FREM1: variants seen among roughly 807,000 people sequenced by gnomAD.
FREM1 encodes FRAS1-related extracellular matrix protein 1.
Under a neutral mutation model 210.1 loss-of-function variants are expected in FREM1, and 220 were observed. The observed-to-expected ratio is 1.05, with a 90% CI of 0.94 to 1.17. FREM1 has a LOEUF of 1.17. FREM1 is among the 50% of genes most tolerant of loss of function. The pLI, the probability that FREM1 is intolerant of heterozygous loss-of-function variation, is 0.00. For missense variants in FREM1, 3,454 were observed against 2,675.5 expected, an observed-to-expected ratio of 1.29 and a Z score of -6.42; for synonymous variants, 1,189 against 980.2, an observed-to-expected ratio of 1.21 and a Z score of -3.98.
chr9:14,757,647 T>C (rs1029876681), intron 28 of FREM1, among the ~76,000 whole-genome samples: 9 of 151,390 alleles, frequency 5.9e-5, no homozygotes, highest in African/African-American at 1.7e-4. Context: ...GTGTGTATTT[T>C]TTAGATGTTT....
At position 14,748,709 on chromosome 9, in the gene FREM1, G is replaced by C. The variant is rs1156598542; in HGVS notation, c.5558-70C>G. ...ACAGATAAGGTATCACATTGACACA[G>C]CTCCTGGAGCAGCTTGTCATTAAAC... is the stretch of plus-strand genomic sequence containing the variant. On this transcript the variant is annotated intron_variant, in intron 30 of 36. Transcript: ENST00000380880. 7.3e-6 allele frequency: 7 copies of C among 955,612 alleles called. No individual in the cohort carries two copies. The Admixed American group carries it at 1.5e-4, about 21-fold the overall frequency. The allele number at this position is 955,612 out of a possible 1,614,324, so 59.2% of individuals were successfully genotyped here. A position where few individuals can be genotyped will look rare whatever the true frequency, so the allele number is the denominator to read the frequency against.
At chr9:14,889,380 T>C (rs1240576227) in intron 1 of FREM1, among the ~76,000 whole-genome samples, 1 of 152,248 alleles carries the variant, frequency 6.6e-6, no homozygotes, top group Non-Finnish European at 1.5e-5. Context: ...CCTTTGTTTA[T>C]GTGGAAGGTT....
chr9:14,757,036 G>A (rs991571326), intron 28 of FREM1, among the ~76,000 whole-genome samples: 2 of 148,890 alleles, frequency 1.3e-5, no homozygotes, highest in Non-Finnish European at 3.0e-5. Flanking sequence ...AAGACCTGGT[G>A]AACAACCAGA....
chr9:14,819,086 T>G (rs1230673393), intron 14 of FREM1, 148 bp downstream of exon 14: 3 of 518,118 alleles, frequency 5.8e-6, no homozygotes, highest in East Asian at 5.9e-5. Context: ...TGATCATTTG[T>G]AATTTTCAAC....
At chr9:14,872,045 G>A (rs1403956926) in intron 1 of FREM1, among the ~76,000 whole-genome samples, 1 of 152,162 alleles carries the variant, frequency 6.6e-6, no homozygotes, top group African/African-American at 2.4e-5. Flanking sequence ...TTTGGTACCA[G>A]TACCATGCTG....
At chr9:14,812,691 G>C in intron 16 of FREM1, 121 bp downstream of exon 16, 11 of 1,008,828 alleles carry the variant, frequency 1.1e-5, no homozygotes, top group Non-Finnish European at 1.6e-5. Flanking sequence ...CCAGGCTGCA[G>C]CTGCTTCTTG....
chr9:14,842,390 T>C lies in FREM1; in HGVS notation c.1664A>G (p.Asp555Gly), dbSNP rs1825843289. The C allele has an allele frequency of 6.2e-7, 1 of 1,613,104 alleles. No individual in the cohort carries two copies. Among genetic ancestry groups the C allele is most frequent in the Non-Finnish European group, 8.5e-7 (1 of 1,179,206 alleles). ...LRASDVDASDDYIFFNITKPP... is the reference protein window; with the variant it reads ...LRASDVDASDGYIFFNITKPP... The stretch of plus-strand genomic sequence containing the variant: ...CTTTGTGATATTGAAGAAGATGTAG[T>C]CATCACTGGCGTCCACATCTGAAGC... Residue 555 changes from aspartate (D) to glycine (G), a missense_variant, in exon 9 of 37, where the codon GAC (aspartate) becomes GGC (glycine). By Grantham distance (94) the Asp-to-Gly change is moderately conservative (BLOSUM62 -1). Transcript: ENST00000380880.
intron 18 of FREM1, 47 bp downstream of exon 18, chr9:14,806,614 T>A: frequency 8.9e-7 from 1 of 1,129,596 alleles, no homozygotes; most frequent in South Asian, 1.3e-5. Context: ...ATCGCTTCCA[T>A]AAATATAAGG....
intron 27 of FREM1, among the ~76,000 whole-genome samples, chr9:14,761,546 G>A (rs1277963934): frequency 6.6e-6 from 1 of 152,036 alleles, no homozygotes; most frequent in Non-Finnish European, 1.5e-5. Context: ...AAATGACTAC[G>A]GTAATCCCTC....
chr9:14,878,729 G>A (rs1406224504), intron 1 of FREM1, among the ~76,000 whole-genome samples: 4 of 152,162 alleles, frequency 2.6e-5, no homozygotes, highest in Admixed American at 6.5e-5. Flanking sequence ...TAACCCTAGT[G>A]TCTAGAACAA....
intron 23 of FREM1, among the ~76,000 whole-genome samples, chr9:14,787,300 G>A (rs1227894743): frequency 2.0e-5 from 3 of 152,080 alleles, no homozygotes; most frequent in African/African-American, 7.2e-5. Flanking sequence ...AAACTGTACA[G>A]TGACAAAACA....
At chr9:14,884,915 C>CTTTTTTTTTTT (rs745465527) in intron 1 of FREM1, among the ~76,000 whole-genome samples, 1 of 70,396 alleles carries the variant, frequency 1.4e-5, no homozygotes, top group African/African-American at 5.8e-5. Context: ...TTCATCATAG[C>CTTTTTTTTTTT]TTTTTTTTTT....
chr9:14,801,765 C>T lies in FREM1; in HGVS notation c.3581G>A (p.Gly1194Asp), dbSNP rs747106501. The stretch of plus-strand genomic sequence containing the variant: ...GCTAAACCCCCTATCGATGAGGAGG[C>T]CATGGCGTGGCTTTTGAGTGATGCT... ...LFSITQKPRHGLLIDRGFSKD... is the reference protein window; with the variant it reads ...LFSITQKPRHDLLIDRGFSKD... Residue 1194 changes from glycine to aspartate, a missense_variant, in exon 20 of 37, where the codon GGC (glycine) becomes GAC (aspartate). By Grantham distance (94) the Gly-to-Asp change is moderately conservative (BLOSUM62 -1). Transcript: ENST00000380880. The T allele has an allele frequency of 1.2e-6, 2 of 1,613,910 alleles. No individual in the cohort carries two copies. The highest frequency in any genetic ancestry group is 1.1e-5 in the South Asian group (1 of 91,078).
Position 14,846,027 on chromosome 9 carries a change from A to G in FREM1, c.1326T>C (p.Asn442=). Residue 442 remains asparagine, a synonymous_variant, in exon 8 of 37, where the codon AAT becomes AAC. Transcript: ENST00000380880. ...ITWEQFQVVD[N]DDIGAVRLVT... is the part of the protein sequence containing the mutation. ...CTAGCCGGACAGCACCAATGTCGTC[A>G]TTGTCGACAACCTGAAACTGTTCCC... 1 of 1,611,094 alleles carries G rather than the reference A, an allele frequency of 6.2e-7. No individual in the cohort carries two copies. The highest frequency in any genetic ancestry group is 1.3e-5 in the African/African-American group (1 of 75,008).
intron 1 of FREM1, among the ~76,000 whole-genome samples, chr9:14,898,122 T>C (rs1341204095): frequency 6.6e-6 from 1 of 152,212 alleles, no homozygotes; most frequent in African/African-American, 2.4e-5. Flanking sequence ...GGCCAGCCTG[T>C]TAATCAGCTC....
rs1438154534 is a variant in FREM1 at position 14,783,133 on chromosome 9, C to T, written c.4442+1237G>A. On this transcript the variant is annotated intron_variant, in intron 24 of 36. Transcript: ENST00000380880. ...AGAGAAAAAAATAAGATATTCGTTC[C>T]AGCTTTCTGGGATTTTTTGTTTTGT... Among the ~76,000 whole-genome samples the T allele has an allele frequency of 2.0e-5, 3 of 152,108 alleles. No individual in the cohort carries two copies. In the East Asian group the frequency reaches 5.8e-4, roughly 29 times the overall value.
intron 1 of FREM1, among the ~76,000 whole-genome samples, chr9:14,870,901 G>A (rs898521546): frequency 4.0e-5 from 6 of 149,268 alleles, no homozygotes; most frequent in East Asian, 2.0e-4. Flanking sequence ...GAGAATATGC[G>A]GTGTTTGGTT....
rs1826549598 is a variant in FREM1 at position 14,846,083 on chromosome 9, G to T, written c.1270C>A (p.Leu424Ile). ...PRVSWNTGLS[L>I]LEGQSRAITW... ...ATGGCTCGAGACTGCCCCTCAAGGA[G>T]ACTCAGACCTATGAAAGAAAGGAGA... The change falls in exon 8 of 37, where the codon CTC becomes ATC. Residue 424 changes from leucine to isoleucine, a missense_variant. Leu to Ile is a conservative substitution (Grantham distance 5, BLOSUM62 2). Transcript: ENST00000380880. 1 of 1,575,426 alleles carries T rather than the reference G, an allele frequency of 6.3e-7. No homozygotes were observed. Among genetic ancestry groups the T allele is most frequent in the African/African-American group, 1.3e-5 (1 of 74,132 alleles).
chr9:14,853,576 A>G (rs1438556140), intron 5 of FREM1, among the ~76,000 whole-genome samples: 1 of 152,216 alleles, frequency 6.6e-6, no homozygotes. Flanking sequence ...TATGTCATCA[A>G]TGCCTGATCA....
Sources: allele counts gnomAD v4.1 joint callset (sites outside exome capture counted in the v4.1 genomes callset), GRCh38; gene constraint gnomAD v4.1.1; transcripts MANE v1.5; gene names NCBI Gene and HGNC (gene_info 2026-07-23, HGNC 2026-07-21).